Variants in ACAP2 observed in about 807,000 individuals in gnomAD.
The protein encoded by ACAP2 is ArfGAP with coiled-coil, ankyrin repeat and PH domains 2.
In ACAP2, 39 loss-of-function variants were observed where a neutral mutation model predicts 115.8. The observed-to-expected ratio is 0.34, with a 90% CI of 0.26 to 0.44. The LOEUF is 0.44. Ranked by LOEUF, ACAP2 falls within the 20% of genes least tolerant of loss-of-function variation. The pLI, the probability that ACAP2 is intolerant of heterozygous loss-of-function variation, is 1.00. For missense variants in ACAP2, 662 were observed against 927.6 expected (o/e 0.71, Z 3.72); for synonymous variants, 289 against 315.8 (o/e 0.92, Z 0.90).
At chr3:195,292,921 C>A (rs368622380) in intron 18 of ACAP2, among the ~76,000 whole-genome samples, 980 of 76,392 alleles carry the variant, frequency 0.013, no homozygotes, top group African/African-American at 0.02. Flanking sequence ...GACTCAGTCT[C>A]AAAAAAAAAA....
chr3:195,362,317 CAAA>C (rs755987847), intron 4 of ACAP2, among the ~76,000 whole-genome samples: 6 of 67,382 alleles, frequency 8.9e-5, no homozygotes, highest in Non-Finnish European at 6.1e-5. Flanking sequence ...AACTCCATCT[CAAA>C]AAAAAAAAAA....
chr3:195,431,941 T>C (rs1307619305), intron 1 of ACAP2, among the ~76,000 whole-genome samples: 1 of 152,200 alleles, frequency 6.6e-6, no homozygotes, highest in African/African-American at 2.4e-5. Context: ...TTTGTATTTA[T>C]ATGCATTGCT....
chr3:195,421,616 ATAG>A (rs1300166103), intron 1 of ACAP2, among the ~76,000 whole-genome samples: 2 of 152,226 alleles, frequency 1.3e-5, no homozygotes. Context: ...TGCTTACACA[ATAG>A]CTGATTGATG....
intron 1 of ACAP2, chr3:195,441,657 A>G (rs897069176): frequency 1.3e-5 from 2 of 152,300 alleles, no homozygotes; most frequent in African/African-American, 4.8e-5. Flanking sequence ...CCCAGACATT[A>G]GCGGGCACAC....
intron 16 of ACAP2, among the ~76,000 whole-genome samples, chr3:195,296,600 T>A (rs12491371): frequency 0.022 from 3,283 of 152,212 alleles, 117 homozygotes; most frequent in East Asian, 0.1. Flanking sequence ...CAGACAGAAA[T>A]CAGTATCAAC....
At chr3:195,279,735 G>GA (rs1428345112) in intron 22 of ACAP2, 1 of 177,158 alleles carries the variant, frequency 5.6e-6, no homozygotes, top group Non-Finnish European at 1.2e-5. Context: ...ACACGGGGGG[G>GA]AAAAGTCATT....
intron 2 of ACAP2, among the ~76,000 whole-genome samples, chr3:195,389,518 C>T (rs982348738): frequency 1.3e-5 from 2 of 151,962 alleles, no homozygotes; most frequent in African/African-American, 4.8e-5. Flanking sequence ...ATAAGATATC[C>T]TTCTTATACC....
In ACAP2 at chr3:195,379,933, G is replaced by A. The variant is rs1733836687; in HGVS notation, c.285+1076C>T. Among the ~76,000 whole-genome samples the A allele has an allele frequency of 2.0e-5, 3 of 152,136 alleles. No individual in the cohort carries two copies. In the South Asian group the frequency reaches 6.2e-4, roughly 32 times the overall value. On this transcript the variant is annotated intron_variant, in intron 4 of 22. Coordinates refer to ENST00000326793, the MANE Select transcript of ACAP2 (RefSeq NM_012287.6). ...GAAATGCAAATCAAAACTACAATGA[G>A]ATACCACTTCACACCTACTAGGATG...
Position 195,277,790 on chromosome 3 carries a change from A to G in ACAP2, c.*1538T>C, listed in dbSNP as rs1726233144. The G allele has an allele frequency of 6.6e-6, 1 of 151,580 alleles. No individual in the cohort carries two copies. Among genetic ancestry groups the G allele is most frequent in the Non-Finnish European group, 1.5e-5 (1 of 68,050 alleles). 9.4% of individuals were successfully genotyped at this position (151,580 alleles called of 1,614,324 possible). A position where few individuals can be genotyped will look rare whatever the true frequency, so the allele number is the denominator to read the frequency against. ...TTGACAACAATGGGAAGGAATCAAA[A>G]GGCAAATTAGGCTGGGTGCGGTGGC... On this transcript the variant is annotated 3_prime_UTR_variant, in exon 23 of 23. Transcript: ENST00000326793.
In ACAP2 at chr3:195,436,130, TATA is replaced by T. The variant is rs750406103; in HGVS notation, c.53+6662_53+6664del. Among the ~76,000 whole-genome samples the T allele has an allele frequency of 5.9e-4, 84 of 142,990 alleles. 1 individual carries two copies. Among genetic ancestry groups the T allele is most frequent in the South Asian group, 1.7e-3 (8 of 4,626 alleles). The allele number at this position is 142,990 out of a possible 152,430, so 93.8% of individuals were successfully genotyped here. A position where few individuals can be genotyped will look rare whatever the true frequency, so the allele number is the denominator to read the frequency against. The stretch of plus-strand genomic sequence containing the variant: ...ATATACATATATATGTATATATATA[TATA>T]TTTTTTTTTTTTGGAGACAAAGTCC... On this transcript the variant is annotated intron_variant, in intron 1 of 22. Transcript: ENST00000326793.
chr3:195,400,092 C>T (rs1437631741), intron 1 of ACAP2, among the ~76,000 whole-genome samples: 1 of 151,676 alleles, frequency 6.6e-6, no homozygotes, highest in East Asian at 1.9e-4. Context: ...GCAGGAGAAT[C>T]GCTTGAACCT....
intron 1 of ACAP2, among the ~76,000 whole-genome samples, chr3:195,439,781 C>T (rs948803592): frequency 4.9e-4 from 74 of 151,978 alleles, no homozygotes; most frequent in African/African-American, 1.7e-3. Flanking sequence ...TGCACACTAC[C>T]ACACCCGGCT....
intron 4 of ACAP2, among the ~76,000 whole-genome samples, chr3:195,345,948 G>A (rs1731163808): frequency 6.6e-6 from 1 of 152,092 alleles, no homozygotes; most frequent in African/African-American, 2.4e-5. Flanking sequence ...GCTTATCGTG[G>A]GGATTCCACC....
At chr3:195,373,012 A>AAAAAAAAAAAAAAAAAC (rs1733273954) in intron 4 of ACAP2, among the ~76,000 whole-genome samples, 1 of 146,332 alleles carries the variant, frequency 6.8e-6, no homozygotes, top group African/African-American at 2.5e-5. Context: ...AAAAAAAAAA[A>AAAAAAAAAAAAAAAAAC]GCCTAATGAT....
intron 4 of ACAP2, among the ~76,000 whole-genome samples, chr3:195,351,475 TG>T (rs1731594145): frequency 7.8e-6 from 1 of 127,866 alleles, no homozygotes. Flanking sequence ...TGTGTGTGTG[TG>T]TGTGTGTGTG....
chr3:195,297,071 A>T, intron 16 of ACAP2, 119 bp downstream of exon 16: 4 of 797,218 alleles, frequency 5.0e-6, no homozygotes, highest in Non-Finnish European at 8.3e-6. Flanking sequence ...CAACATTCGA[A>T]CAGAAGTGGT....
At chr3:195,361,363 G>C (rs2108696213) in intron 4 of ACAP2, among the ~76,000 whole-genome samples, 2 of 151,956 alleles carry the variant, frequency 1.3e-5, no homozygotes, top group Middle Eastern at 6.8e-3. Context: ...TTGAACCCAG[G>C]AGGCAGAGGT....
At chr3:195,371,102 TA>T (rs1196666408) in intron 4 of ACAP2, among the ~76,000 whole-genome samples, 7 of 152,254 alleles carry the variant, frequency 4.6e-5, no homozygotes, top group Admixed American at 1.3e-4. Flanking sequence ...CTGTGAAGAC[TA>T]TCATTGATAG....
Position 195,350,732 on chromosome 3 carries a change from A to AT in ACAP2, c.286-5416dup, listed in dbSNP as rs560097496. 2.0e-4 allele frequency among the ~76,000 whole-genome samples: 30 copies of AT among 151,888 alleles called. No individual in the cohort carries two copies. The East Asian group carries it at 3.1e-3, about 16-fold the overall frequency. On this transcript the variant is annotated intron_variant, in intron 4 of 22. Coordinates refer to ENST00000326793, the MANE Select transcript of ACAP2 (RefSeq NM_012287.6). ...GCATATGGTCAGCTTTTATTCATTT[A>AT]TTTTTTTTACAAAAGGTGCCAATAA...
Sources: allele counts gnomAD v4.1 joint callset (sites outside exome capture counted in the v4.1 genomes callset), GRCh38; gene constraint gnomAD v4.1.1; transcripts MANE v1.5; gene names NCBI Gene and HGNC (gene_info 2026-07-23, HGNC 2026-07-21).